The following RLIM variants were observed in gnomAD, a reference collection of about 807,000 sequenced individuals.
RLIM encodes the protein ring finger protein, LIM domain interacting, also known as E3 ubiquitin-protein ligase RLIM.
A neutral mutation model predicts 34.0 loss-of-function variants in RLIM; 2 were observed. The ratio of observed to expected loss-of-function variants is 0.06; its 90% CI spans 0.02 to 0.19. The LOEUF (loss-of-function observed/expected upper bound fraction) is 0.19, where lower values mean the gene tolerates loss of function less well. Ranked by LOEUF, RLIM falls within the 10% of genes least tolerant of loss-of-function variation. The pLI is 1.00. For synonymous variants in RLIM, 169 were observed against 164.0 expected (o/e 1.03, Z -0.23); for missense variants, 286 against 479.7 (o/e 0.60, Z 3.77).
chrX:74,592,879 T>G lies in RLIM; in HGVS notation c.436A>C (p.Asn146His). 1 of 1,211,883 alleles carries G rather than the reference T, an allele frequency of 8.3e-7. No individual in the cohort carries two copies. The highest frequency in any genetic ancestry group is 1.8e-5 in the South Asian group (1 of 57,019). The change falls in exon 4 of 4, where the codon AAT becomes CAT. Residue 146 changes from asparagine (N) to histidine (H), a missense_variant. Physicochemically the swap from Asn to His is moderately conservative, Grantham distance 68 (BLOSUM62 1). Coordinates refer to ENST00000332687, the MANE Select transcript of RLIM (RefSeq NM_016120.4). The stretch of plus-strand genomic sequence containing the variant: ...TTCTCTGAATTTTGGCTCCCATTAT[T>G]ACGGTTAACATTTATCTCTAAACTG... ...RFSLEINVNR[N>H]NGSQNSENEN... is the part of the protein sequence containing the mutation.
Position 74,590,805 on chromosome X carries a change from A to G in RLIM, c.*635T>C, listed in dbSNP as rs1466850808. 2.6e-4 allele frequency: 29 copies of G among 112,935 alleles called. No individual in the cohort carries two copies. The Admixed American group carries it at 2.7e-3, about 11-fold the overall frequency. 9.3% of individuals were successfully genotyped at this position (112,935 alleles called of 1,213,427 possible). A position where few individuals can be genotyped will look rare whatever the true frequency, so the allele number is the denominator to read the frequency against. On this transcript the variant is annotated 3_prime_UTR_variant, in exon 4 of 4. Transcript: ENST00000332687. Reference sequence around the variant, plus strand: ...CACTTACACAAGCATAGGCTTTTTAATATTTCCACAAGATAAATATCTCAA... The same window carrying G: ...CACTTACACAAGCATAGGCTTTTTAGTATTTCCACAAGATAAATATCTCAA...
intron 2 of RLIM, among the ~76,000 whole-genome samples, 154 bp from the exon 3 acceptor site, chrX:74,594,543 A>G (rs2079630982): frequency 8.9e-6 from 1 of 111,881 alleles, no homozygotes; most frequent in Admixed American, 9.5e-5. Context: ...AAAACCAAGG[A>G]GTAGGTAGGT....
Position 74,595,882 on chromosome X carries a change from G to A in RLIM, c.96C>T (p.Phe32=), listed in dbSNP as rs772456425. The change falls in exon 2 of 4, where the codon TTC becomes TTT. Residue 32 remains phenylalanine, a synonymous_variant. Coordinates refer to ENST00000332687, the MANE Select transcript of RLIM (RefSeq NM_016120.4). The part of the protein sequence containing the change: ...QMDRLDREEA[F]YQFVNNLSEE... ...CACTCAGGTTATTTACAAATTGATA[G>A]AAAGCTTCTTCTCGATCCAATCGGT... is the stretch of plus-strand genomic sequence containing the variant. The A allele has an allele frequency of 8.3e-7, 1 of 1,206,395 alleles. No homozygotes were observed. Among genetic ancestry groups the A allele is most frequent in the Non-Finnish European group, 1.1e-6 (1 of 891,153 alleles).
rs182759536 is a variant in RLIM at position 74,609,362 on chromosome X, C to T, written c.-24+5060G>A. Among the ~76,000 whole-genome samples the T allele has an allele frequency of 2.5e-3, 272 of 107,136 alleles. 2 individuals carry two copies. In the East Asian group the frequency reaches 0.028, roughly 11 times the overall value. 93.0% of individuals were successfully genotyped at this position (107,136 alleles called of 115,157 possible). ...AATTAGCCAGGCGTAGTGGTGGGCGCCTGTAGTCCCAGCTACTCGGGAGGC... is the reference window on the plus strand; with the variant it reads ...AATTAGCCAGGCGTAGTGGTGGGCGTCTGTAGTCCCAGCTACTCGGGAGGC... On this transcript the variant is annotated intron_variant, in intron 1 of 3. Transcript: ENST00000332687.
chrX:74,596,286 ACC>A (rs2147374774), intron 1 of RLIM, among the ~76,000 whole-genome samples: 1 of 112,439 alleles, frequency 8.9e-6, no homozygotes, highest in East Asian at 2.8e-4. Context: ...CGCTCTCTCA[ACC>A]AGGCTAGAGT....
intron 1 of RLIM, among the ~76,000 whole-genome samples, chrX:74,608,060 A>G (rs753983029): frequency 3.6e-5 from 4 of 111,948 alleles, no homozygotes; most frequent in Non-Finnish European, 5.6e-5. Flanking sequence ...TATTCTACAC[A>G]TGGGTAGCAG....
At chrX:74,611,664 C>G (rs1448109862) in intron 1 of RLIM, among the ~76,000 whole-genome samples, 1 of 112,027 alleles carries the variant, frequency 8.9e-6, no homozygotes, top group Non-Finnish European at 1.9e-5. Context: ...GCAACATAAC[C>G]TACAGACTTT....
chrX:74,602,732 C>CAA (rs2079666600), intron 1 of RLIM, among the ~76,000 whole-genome samples: 1 of 110,940 alleles, frequency 9.0e-6, no homozygotes, highest in South Asian at 3.8e-4. Flanking sequence ...GTCTCAAAAA[C>CAA]AAAAGCAGAC....
intron 1 of RLIM, among the ~76,000 whole-genome samples, chrX:74,608,881 A>G (rs1157762484): frequency 8.9e-6 from 1 of 112,412 alleles, no homozygotes; most frequent in East Asian, 2.8e-4. Flanking sequence ...CATCTCAGTC[A>G]AATACTTTAA....
At chrX:74,604,810 A>T (rs1355458261) in intron 1 of RLIM, among the ~76,000 whole-genome samples, 5 of 111,473 alleles carry the variant, frequency 4.5e-5, no homozygotes, top group Admixed American at 2.9e-4. Flanking sequence ...TTTAATTCAA[A>T]ATTTTAATGA....
At position 74,589,181 on chromosome X, in the gene RLIM, T is replaced by C. The variant is rs1242273277; in HGVS notation, c.*2259A>G. On this transcript the variant is annotated 3_prime_UTR_variant, in exon 4 of 4. Coordinates refer to ENST00000332687, the MANE Select transcript of RLIM (RefSeq NM_016120.4). ...AGATTAGGAAGGTACCTGTTGTCAA[T>C]AACTTTCTCTTATGCTTAGAATGTG... 1 of 111,802 alleles carries C rather than the reference T, an allele frequency of 8.9e-6. No homozygotes were observed. Among genetic ancestry groups the C allele is most frequent in the Non-Finnish European group, 1.9e-5 (1 of 53,211 alleles). 9.2% of individuals were successfully genotyped at this position (111,802 alleles called of 1,213,427 possible).
rs1251217385 is a variant in RLIM, at chrX:74,585,535, G to T, written c.*5905C>A. ...TGATAGTCTATATTTTAAATCTGCA[G>T]TATGACATCTTACATAGGGAAAAAA... On this transcript the variant is annotated 3_prime_UTR_variant, in exon 4 of 4. Coordinates refer to ENST00000332687, the MANE Select transcript of RLIM (RefSeq NM_016120.4). 2 of 112,097 alleles carry T rather than the reference G, an allele frequency of 1.8e-5. No individual in the cohort carries two copies. The highest frequency in any genetic ancestry group is 3.8e-5 in the Non-Finnish European group (2 of 53,267). The allele number at this position is 112,097 out of a possible 1,213,427, so 9.2% of individuals were successfully genotyped here.
In RLIM at chrX:74,589,531, C is replaced by T. The variant is rs765139973; in HGVS notation, c.*1909G>A. 8.9e-6 allele frequency: 1 copy of T among 112,187 alleles called. No individual in the cohort carries two copies. Among genetic ancestry groups the T allele is most frequent in the Admixed American group, 9.5e-5 (1 of 10,529 alleles). The allele number at this position is 112,187 out of a possible 1,213,427, so 9.2% of individuals were successfully genotyped here. Reference sequence around the variant, plus strand: ...AGTACATATCCTTAGTAAACAACTACCATATTTACAAGTTAATTTCCTTGA... The same window carrying T: ...AGTACATATCCTTAGTAAACAACTATCATATTTACAAGTTAATTTCCTTGA... On this transcript the variant is annotated 3_prime_UTR_variant, in exon 4 of 4. Transcript: ENST00000332687.
At position 74,586,262 on chromosome X, in the gene RLIM, T is replaced by A; in HGVS notation, c.*5178A>T. The A allele has an allele frequency of 9.0e-6, 1 of 111,728 alleles. No homozygotes were observed. Among genetic ancestry groups the A allele is most frequent in the East Asian group, 2.8e-4 (1 of 3,546 alleles). 9.2% of individuals were successfully genotyped at this position (111,728 alleles called of 1,213,427 possible). A position where few individuals can be genotyped will look rare whatever the true frequency, so the allele number is the denominator to read the frequency against. On this transcript the variant is annotated 3_prime_UTR_variant, in exon 4 of 4. Transcript: ENST00000332687. ...TAAAAGAACATTAGTAATGGGGCAC[T>A]AAATAGAGTTAAGGCTGGACAGCTG... is the stretch of plus-strand genomic sequence containing the variant.
At chrX:74,597,686 CTCA>C (rs2079645363) in intron 1 of RLIM, among the ~76,000 whole-genome samples, 2 of 112,068 alleles carry the variant, frequency 1.8e-5, no homozygotes, top group South Asian at 7.3e-4. Context: ...TATTTTATTA[CTCA>C]TCATCAAGTG....
intron 1 of RLIM, among the ~76,000 whole-genome samples, chrX:74,602,872 G>T (rs2819591): frequency 0.084 from 9,310 of 110,974 alleles, 870 homozygotes; most frequent in African/African-American, 0.28. Context: ...CAAATATTTA[G>T]AGAGGAATAA....
At chrX:74,609,939 A>G (rs1361376106) in intron 1 of RLIM, among the ~76,000 whole-genome samples, 2 of 112,438 alleles carry the variant, frequency 1.8e-5, no homozygotes, top group Non-Finnish European at 3.8e-5. Flanking sequence ...TTCTCCCAGG[A>G]AGTAACATGT....
chrX:74,602,507 G>A (rs992053240), intron 1 of RLIM, among the ~76,000 whole-genome samples: 5 of 111,269 alleles, frequency 4.5e-5, no homozygotes, highest in Non-Finnish European at 9.4e-5. Flanking sequence ...CGAGTTGGGC[G>A]GATCATTTGA....
At chrX:74,606,326 C>T (rs763674259) in intron 1 of RLIM, among the ~76,000 whole-genome samples, 1 of 111,772 alleles carries the variant, frequency 8.9e-6, no homozygotes, top group African/African-American at 3.2e-5. Flanking sequence ...TTTCAAAGAG[C>T]TACTCATCTG....
Sources: gnomAD v4.1 joint callset for allele counts (sites outside exome capture counted in the v4.1 genomes callset) on GRCh38, gnomAD v4.1.1 for gene constraint, MANE v1.5 for transcripts, NCBI Gene and HGNC (gene_info 2026-07-23, HGNC 2026-07-21) for gene names.